Variants in SIDT1 observed in about 807,000 individuals in gnomAD.
The protein encoded by SIDT1 is SID1 transmembrane family, member 1.
Under a neutral mutation model 107.5 loss-of-function variants are expected in SIDT1, and 101 were observed. The observed-to-expected ratio is 0.94, with a 90% CI of 0.80 to 1.11. SIDT1 has a LOEUF of 1.11. SIDT1 is among the 50% of genes least tolerant of loss of function. The pLI, the probability that SIDT1 is intolerant of heterozygous loss-of-function variation, is 0.00. For synonymous variants in SIDT1, 395 were observed against 398.2 expected, an observed-to-expected ratio of 0.99 and a Z score of 0.10; for missense variants, 1,076 against 1,058.2, an observed-to-expected ratio of 1.02 and a Z score of -0.23.
chr3:113,547,547 G>A (rs1188050051), intron 1 of SIDT1, among the ~76,000 whole-genome samples: 2 of 152,080 alleles, frequency 1.3e-5, no homozygotes, highest in Non-Finnish European at 2.9e-5. Flanking sequence ...GAAGGACATG[G>A]AGATGCTGAT....
intron 2 of SIDT1, 130 bp downstream of exon 2, chr3:113,566,671 G>A: frequency 9.8e-7 from 1 of 1,024,734 alleles, no homozygotes; most frequent in Non-Finnish European, 1.4e-6. Context: ...TGCATACGGG[G>A]TGCAAATAAT....
At chr3:113,538,232 C>A (rs1413669128) in intron 1 of SIDT1, among the ~76,000 whole-genome samples, 1 of 152,352 alleles carries the variant, frequency 6.6e-6, no homozygotes, top group East Asian at 1.9e-4. Flanking sequence ...CAATCCGTAG[C>A]AATCACCTCC....
At chr3:113,607,217 G>C (rs148897278) in intron 15 of SIDT1, 103 bp downstream of exon 15, 10 of 746,344 alleles carry the variant, frequency 1.3e-5, no homozygotes, top group African/African-American at 1.0e-4. Flanking sequence ...TGTGGAAAAC[G>C]ACCCTATTCA....
At chr3:113,603,233 T>C in intron 12 of SIDT1, 83 bp downstream of exon 12, 1 of 1,420,022 alleles carries the variant, frequency 7.0e-7, no homozygotes, top group Non-Finnish European at 9.6e-7. Flanking sequence ...TCAGTTTCCT[T>C]TATTTTGTTT....
chr3:113,581,669 T>A, intron 6 of SIDT1: 1 of 485,194 alleles, frequency 2.1e-6, no homozygotes, highest in Non-Finnish European at 3.7e-6. Context: ...AGTCAGGAGT[T>A]TGAGACCAGC....
intron 9 of SIDT1, among the ~76,000 whole-genome samples, chr3:113,587,474 A>T (rs1457767210): frequency 6.6e-6 from 1 of 152,200 alleles, no homozygotes; most frequent in Non-Finnish European, 1.5e-5. Flanking sequence ...AGTTACTAAT[A>T]TTTAACAGGT....
At chr3:113,595,683 AC>A (rs1158658315) in intron 10 of SIDT1, among the ~76,000 whole-genome samples, 2 of 152,104 alleles carry the variant, frequency 1.3e-5, no homozygotes, top group Non-Finnish European at 2.9e-5. Context: ...ACATGAAGAC[AC>A]CTAAATAACA....
At chr3:113,634,825 C>G in the SIDT1 span, among the ~76,000 whole-genome samples, 1 of 150,880 alleles carries the variant, frequency 6.6e-6, no homozygotes, top group Non-Finnish European at 1.5e-5. Context: ...AAAAATTTAA[C>G]AAAAAGAAAA....
At chr3:113,570,933 C>T (rs1942386941) in intron 3 of SIDT1, among the ~76,000 whole-genome samples, 1 of 152,138 alleles carries the variant, frequency 6.6e-6, no homozygotes, top group Non-Finnish European at 1.5e-5. Flanking sequence ...AACTGATGCC[C>T]AGAGAAGTTA....
At chr3:113,546,346 A>G (rs1440526034) in intron 1 of SIDT1, among the ~76,000 whole-genome samples, 1 of 152,206 alleles carries the variant, frequency 6.6e-6, no homozygotes, top group Non-Finnish European at 1.5e-5. Flanking sequence ...AAGCAAATGA[A>G]AATTTTACTG....
intron 13 of SIDT1, 78 bp from the exon 14 acceptor site, chr3:113,604,832 C>A: frequency 1.3e-6 from 2 of 1,512,774 alleles, no homozygotes; most frequent in South Asian, 2.2e-5. Context: ...GGGGTGGAAG[C>A]ATTCTTTTAA....
chr3:113,623,684 T>C lies in SIDT1; in HGVS notation c.2258T>C (p.Met753Thr). 1 of 1,614,182 alleles carries C rather than the reference T, an allele frequency of 6.2e-7. No homozygotes were observed. Among genetic ancestry groups the C allele is most frequent in the Non-Finnish European group, 8.5e-7 (1 of 1,180,018 alleles). Residue 753 changes from methionine (M) to threonine (T), a missense_variant, in exon 23 of 25, where the codon ATG (methionine) becomes ACG (threonine). Transcript: ENST00000264852. ...PLFCIVATAVMWAAALYFFFQ... is the reference protein window; with the variant it reads ...PLFCIVATAVTWAAALYFFFQ... Reference sequence around the variant, plus strand: ...TTCTGCATCGTGGCCACCGCTGTGATGTGGGCTGCCGCCCTATATTTTTTC... The same window carrying C: ...TTCTGCATCGTGGCCACCGCTGTGACGTGGGCTGCCGCCCTATATTTTTTC...
chr3:113,590,641 A>T (rs1944079299), intron 9 of SIDT1, among the ~76,000 whole-genome samples: 1 of 152,234 alleles, frequency 6.6e-6, no homozygotes, highest in Non-Finnish European at 1.5e-5. Flanking sequence ...AATATGCAAA[A>T]AATCATTTGT....
intron 1 of SIDT1, among the ~76,000 whole-genome samples, chr3:113,550,547 A>G (rs1057418718): frequency 6.6e-6 from 1 of 152,268 alleles, no homozygotes; most frequent in Admixed American, 6.5e-5. Context: ...ATCCAAGTCA[A>G]TGAACTTATC....
chr3:113,634,223 C>T (rs977541056), downstream of SIDT1, among the ~76,000 whole-genome samples: 7 of 152,228 alleles, frequency 4.6e-5, no homozygotes, highest in African/African-American at 1.7e-4. Context: ...CAACCTCACT[C>T]TGCTAGAGGA....
In SIDT1 at chr3:113,557,164, G is replaced by A. The variant is rs1576753699; in HGVS notation, c.223-9256G>A. On this transcript the variant is annotated intron_variant, in intron 1 of 24. Coordinates refer to ENST00000264852, the MANE Select transcript of SIDT1 (RefSeq NM_017699.3). Reference sequence around the variant, plus strand: ...TCAGCACATTTATGAGGCCTAACTGGCTTTGTCTGCTCAGGAATTCTTTAG... The same window carrying A: ...TCAGCACATTTATGAGGCCTAACTGACTTTGTCTGCTCAGGAATTCTTTAG... 3.3e-5 allele frequency among the ~76,000 whole-genome samples: 5 copies of A among 152,278 alleles called. No individual in the cohort carries two copies. The South Asian group carries it at 1.0e-3, about 32-fold the overall frequency.
At chr3:113,542,847 T>G (rs1384458929) in intron 1 of SIDT1, among the ~76,000 whole-genome samples, 1 of 152,064 alleles carries the variant, frequency 6.6e-6, no homozygotes, top group Non-Finnish European at 1.5e-5. Context: ...CTCCCATAGT[T>G]TTTCCTCAGG....
intron 1 of SIDT1, among the ~76,000 whole-genome samples, chr3:113,539,953 G>A (rs919789909): frequency 6.6e-6 from 1 of 150,418 alleles, no homozygotes; most frequent in South Asian, 2.1e-4. Flanking sequence ...GCAGTGAGCC[G>A]AGATCACGCC....
chr3:113,624,191 C>T (rs1946683332), intron 23 of SIDT1, among the ~76,000 whole-genome samples: 1 of 152,170 alleles, frequency 6.6e-6, no homozygotes, highest in African/African-American at 2.4e-5. Flanking sequence ...GAACAGTTAC[C>T]ACAATAGATT....
Sources: allele counts gnomAD v4.1 joint callset (sites outside exome capture counted in the v4.1 genomes callset), GRCh38; gene constraint gnomAD v4.1.1; transcripts MANE v1.5; gene names NCBI Gene and HGNC (gene_info 2026-07-23, HGNC 2026-07-21).